The following CARNMT1 variants were observed in gnomAD, a reference collection of about 807,000 sequenced individuals.
The protein encoded by CARNMT1 is protein-L-histidine N-pros-methyltransferase CARNMT1.
Under a neutral mutation model 49.6 loss-of-function variants are expected in CARNMT1, and 28 were observed. That is an observed-to-expected ratio of 0.56 (90% CI 0.42 to 0.77). The LOEUF (loss-of-function observed/expected upper bound fraction) is 0.77, where lower values mean the gene tolerates loss of function less well. Ranked by LOEUF, CARNMT1 falls within the 30% of genes least tolerant of loss-of-function variation. The pLI, the probability that CARNMT1 is intolerant of heterozygous loss-of-function variation, is 0.00. For missense variants in CARNMT1, 421 were observed against 512.6 expected (o/e 0.82, Z 1.73); for synonymous variants, 178 against 175.0 (o/e 1.02, Z -0.13).
chr9:75,028,106 C>T lies in CARNMT1; in HGVS notation c.136G>A (p.Ala46Thr). The change falls in exon 1 of 8, where the codon GCA (alanine) becomes ACA (threonine). Residue 46 changes from alanine to threonine, a missense_variant. Ala to Thr is a moderately conservative substitution (Grantham distance 58, BLOSUM62 0). Transcript: ENST00000376834. ...GTGCTGCGCGTGGCCGCCGCCGCTG[C>T]CGCCGAAACCGCCGCGGCCGAGCCC... Reference protein sequence around the residue: ...RWGSAAAVSAAAAAATRSTEE... With the variant: ...RWGSAAAVSATAAAATRSTEE... The T allele has an allele frequency of 6.4e-7, 1 of 1,554,792 alleles. No homozygotes were observed. The highest frequency in any genetic ancestry group is 8.7e-7 in the Non-Finnish European group (1 of 1,151,828).
intron 1 of CARNMT1, among the ~76,000 whole-genome samples, chr9:75,020,267 CTTTT>C (rs200444980): frequency 1.6e-5 from 2 of 124,290 alleles, no homozygotes; most frequent in African/African-American, 3.1e-5. Flanking sequence ...CATTTTTCTT[CTTTT>C]TTTTTTTTTT....
At chr9:75,026,479 C>A (rs1822533169) in intron 1 of CARNMT1, among the ~76,000 whole-genome samples, 1 of 152,218 alleles carries the variant, frequency 6.6e-6, no homozygotes, top group Admixed American at 6.5e-5. Flanking sequence ...CCACTCTTAG[C>A]TATCTGATGT....
chr9:74,996,500 T>C lies in CARNMT1; in HGVS notation c.971A>G (p.Tyr324Cys). 1 of 1,609,076 alleles carries C rather than the reference T, an allele frequency of 6.2e-7. No individual in the cohort carries two copies. Among genetic ancestry groups the C allele is most frequent in the Non-Finnish European group, 8.5e-7 (1 of 1,177,960 alleles). ...GAGTATTTTCCATATTGTATCAATATAATCAATTACATTGTGAGCTGTGTC... is the reference window on the plus strand; with the variant it reads ...GAGTATTTTCCATATTGTATCAATACAATCAATTACATTGTGAGCTGTGTC... ...FIDTAHNVID[Y>C]IDTIWKILKP... is the part of the protein sequence containing the mutation. The change falls in exon 6 of 8, where the codon TAT (tyrosine) becomes TGT (cysteine). Residue 324 changes from tyrosine (Y) to cysteine (C), a missense_variant. Physicochemically the swap from Tyr to Cys is radical, Grantham distance 194. Around this residue, in one of 2 missense-constraint regions of CARNMT1, gnomAD observed 235 missense variants for 344.8 expected, o/e 0.68. Coordinates refer to ENST00000376834, the MANE Select transcript of CARNMT1 (RefSeq NM_152420.3).
chr9:75,019,132 A>G (rs1348759401), intron 1 of CARNMT1, among the ~76,000 whole-genome samples: 1 of 152,182 alleles, frequency 6.6e-6, no homozygotes, highest in Non-Finnish European at 1.5e-5. Flanking sequence ...ATATGTGAAG[A>G]CTAAACGCTG....
rs542858103 is a variant in CARNMT1 at position 75,007,361 on chromosome 9, T to C, written c.591-7491A>G. Among the ~76,000 whole-genome samples, 4 of 152,252 alleles carry C rather than the reference T, an allele frequency of 2.6e-5. No individual in the cohort carries two copies. In the South Asian group the frequency reaches 8.3e-4, roughly 32 times the overall value. On this transcript the variant is annotated intron_variant, in intron 3 of 7. Transcript: ENST00000376834. Reference sequence around the variant, plus strand: ...TCACATTAATGGAAGAAAAAACATATATATCATCTCAACTGATGCAAAAAA... The same window carrying C: ...TCACATTAATGGAAGAAAAAACATACATATCATCTCAACTGATGCAAAAAA...
intron 2 of CARNMT1, chr9:75,016,842 C>A: frequency 3.9e-6 from 1 of 259,602 alleles, no homozygotes; most frequent in Non-Finnish European, 7.2e-6. Context: ...TTTCTATGTA[C>A]TGCCAGTCCC....
intron 5 of CARNMT1, among the ~76,000 whole-genome samples, chr9:74,997,230 G>A (rs1055532000): frequency 2.0e-5 from 3 of 152,134 alleles, no homozygotes; most frequent in African/African-American, 7.2e-5. Context: ...ACTTGCCTAA[G>A]TGATGTTTTC....
At chr9:74,992,836 A>G (rs1440883885) in intron 6 of CARNMT1, among the ~76,000 whole-genome samples, 1 of 152,136 alleles carries the variant, frequency 6.6e-6, no homozygotes, top group Non-Finnish European at 1.5e-5. Flanking sequence ...ATTTCCCATT[A>G]TATATGAATA....
rs1289255681 is a variant in CARNMT1, at chr9:74,983,403, T to A, written c.*364A>T. The A allele has an allele frequency of 6.2e-6, 1 of 160,548 alleles. No individual in the cohort carries two copies. Among genetic ancestry groups the A allele is most frequent in the Non-Finnish European group, 1.4e-5 (1 of 73,860 alleles). 9.9% of individuals were successfully genotyped at this position (160,548 alleles called of 1,614,324 possible). ...ATACAAAACAACAAAAAAAGGAAGA[T>A]TATTATGTACTTCAATACTATTAGT... On this transcript the variant is annotated 3_prime_UTR_variant, in exon 8 of 8. Transcript: ENST00000376834.
intron 6 of CARNMT1, among the ~76,000 whole-genome samples, chr9:74,992,511 T>C (rs1245480011): frequency 6.6e-6 from 1 of 152,188 alleles, no homozygotes; most frequent in Non-Finnish European, 1.5e-5. Flanking sequence ...ACTTTCTTTT[T>C]AGAAGAAATT....
chr9:75,026,370 A>G (rs1264447994), intron 1 of CARNMT1, among the ~76,000 whole-genome samples: 3 of 152,188 alleles, frequency 2.0e-5, no homozygotes, highest in Non-Finnish European at 4.4e-5. Context: ...AAGTACAACT[A>G]CGCACTTAAC....
At chr9:74,987,472 A>G (rs1832879418) in intron 6 of CARNMT1, among the ~76,000 whole-genome samples, 1 of 152,240 alleles carries the variant, frequency 6.6e-6, no homozygotes, top group Non-Finnish European at 1.5e-5. Context: ...CCACAACAGT[A>G]CATGCAACAA....
chr9:74,986,597 CAT>C (rs1204668535), intron 6 of CARNMT1, among the ~76,000 whole-genome samples: 1 of 152,144 alleles, frequency 6.6e-6, no homozygotes, highest in Non-Finnish European at 1.5e-5. Flanking sequence ...CCTCCAATAA[CAT>C]AGTTTTATTA....
At chr9:75,005,870 AC>A (rs1833495030) in intron 3 of CARNMT1, among the ~76,000 whole-genome samples, 8 of 147,044 alleles carry the variant, frequency 5.4e-5, no homozygotes, top group Non-Finnish European at 9.0e-5. Flanking sequence ...ACACACACAC[AC>A]ACAATAAAAG....
rs1204252607 is a variant in CARNMT1, at chr9:75,028,260, C to A, written c.-19G>T. 4.4e-6 allele frequency: 6 copies of A among 1,361,550 alleles called. No homozygotes were observed. Among genetic ancestry groups the A allele is most frequent in the Non-Finnish European group, 4.7e-6 (5 of 1,060,956 alleles). The allele number at this position is 1,361,550 out of a possible 1,614,324, so 84.3% of individuals were successfully genotyped here. On this transcript the variant is annotated 5_prime_UTR_variant, in exon 1 of 8. Transcript: ENST00000376834. ...GCTGCATCGCCGCCGCGGCCCTCGG[C>A]CTGGCTCGCTTGCGTCTCTCCGCGA...
intron 6 of CARNMT1, among the ~76,000 whole-genome samples, chr9:74,991,997 C>A (rs912182700): frequency 6.6e-6 from 1 of 152,112 alleles, no homozygotes; most frequent in Non-Finnish European, 1.5e-5. Flanking sequence ...CTAGGCCAGG[C>A]ACAGTGGCTC....
chr9:75,014,034 A>C (rs896991396), intron 3 of CARNMT1, among the ~76,000 whole-genome samples: 4 of 151,100 alleles, frequency 2.6e-5, no homozygotes, highest in African/African-American at 9.7e-5. Context: ...AAAAAAAAAA[A>C]AAAAAAACCC....
chr9:75,026,242 A>C (rs1412795020), intron 1 of CARNMT1, among the ~76,000 whole-genome samples: 1 of 152,146 alleles, frequency 6.6e-6, no homozygotes. Flanking sequence ...ATATTCACAC[A>C]AGATCTCTTC....
intron 5 of CARNMT1, among the ~76,000 whole-genome samples, chr9:74,997,542 T>C (rs1160221967): frequency 2.0e-5 from 3 of 152,078 alleles, no homozygotes; most frequent in Non-Finnish European, 4.4e-5. Flanking sequence ...TACTACAGCC[T>C]AGCTCCTCCT....
Sources: allele counts gnomAD v4.1 joint callset (sites outside exome capture counted in the v4.1 genomes callset), GRCh38; gene constraint gnomAD v4.1.1; regional missense constraint gnomAD v4.1.1; transcripts MANE v1.5; gene names NCBI Gene and HGNC (gene_info 2026-07-23, HGNC 2026-07-21).